FRMPD4: variants seen among roughly 807,000 people sequenced by gnomAD.
FRMPD4 encodes FERM and PDZ domain-containing protein 4.
FRMPD4 carries 22 observed loss-of-function variants against 94.1 expected under a neutral mutation model. That is an observed-to-expected ratio of 0.23 (90% CI 0.17 to 0.33). FRMPD4 has a LOEUF of 0.33. FRMPD4 is among the 10% of genes least tolerant of loss of function. The probability of loss-of-function intolerance (pLI) is 1.00; values close to 1 mark genes in which losing one functional copy is unlikely to be tolerated. For synonymous variants in FRMPD4, 631 were observed against 548.6 expected, an observed-to-expected ratio of 1.15 and a Z score of -2.10; for missense variants, 1,111 against 1,339.9, an observed-to-expected ratio of 0.83 and a Z score of 2.67.
At chrX:12,195,731 AC>A (rs1208445056) in intron 1 of FRMPD4, among the ~76,000 whole-genome samples, 1 of 111,301 alleles carries the variant, frequency 9.0e-6, no homozygotes, top group Non-Finnish European at 1.9e-5. Context: ...CCAAGGACCA[AC>A]CCTGCAAGCC....
chrX:11,857,108 A>T (rs752642332), intron 1 of FRMPD4, among the ~76,000 whole-genome samples: 23 of 112,184 alleles, frequency 2.1e-4, no homozygotes, highest in Non-Finnish European at 3.6e-4. Context: ...GGAAGAATCA[A>T]TATTTTTTAA....
rs1244749577 is a variant in FRMPD4, at chrX:12,218,155, G to A, written c.41+79143G>A. 5.4e-5 allele frequency among the ~76,000 whole-genome samples: 6 copies of A among 111,889 alleles called. No homozygotes were observed. The Admixed American group carries it at 5.7e-4, about 11-fold the overall frequency. On this transcript the variant is annotated intron_variant, in intron 1 of 16. Coordinates refer to ENST00000675598, the MANE Select transcript of FRMPD4 (RefSeq NM_001368397.1). ...AAAAGAATTAATGAAAAAAATAAGA[G>A]ATCAAGACAAGAATTTATGAATCTA...
chrX:12,496,679 T>A (rs1057190669), intron 1 of FRMPD4, among the ~76,000 whole-genome samples: 1 of 112,029 alleles, frequency 8.9e-6, no homozygotes, highest in Admixed American at 9.5e-5. Flanking sequence ...TTTAATTTGC[T>A]AAATCATACT....
intron 3 of FRMPD4, among the ~76,000 whole-genome samples, chrX:12,131,306 A>G (rs1989861): frequency 0.11 from 12,263 of 111,594 alleles, 616 homozygotes; most frequent in African/African-American, 0.18. Flanking sequence ...TTCCTGTAGA[A>G]CCTAGTCTTC....
At chrX:11,839,099 C>T (rs543466437) in intron 1 of FRMPD4, among the ~76,000 whole-genome samples, 95 of 111,214 alleles carry the variant, frequency 8.5e-4, no homozygotes, top group Non-Finnish European at 1.3e-3. Context: ...ACATCCCCAT[C>T]GGTAGTATAT....
chrX:12,543,779 C>T (rs1446561818), intron 2 of FRMPD4, among the ~76,000 whole-genome samples: 4 of 109,630 alleles, frequency 3.6e-5, no homozygotes, highest in African/African-American at 1.3e-4. Context: ...TATAAAAACA[C>T]ATGCACACGT....
intron 4 of FRMPD4, among the ~76,000 whole-genome samples, chrX:12,647,321 A>G (rs1446144045): frequency 8.9e-6 from 1 of 112,339 alleles, no homozygotes; most frequent in Admixed American, 9.4e-5. Context: ...GTAAGTTATC[A>G]AACCAATTGC....
intron 4 of FRMPD4, among the ~76,000 whole-genome samples, chrX:12,630,256 C>T (rs746548298): frequency 4.4e-5 from 5 of 112,734 alleles, no homozygotes; most frequent in East Asian, 2.8e-4. Context: ...AAATATTTTA[C>T]GCATTGCAGG....
intron 3 of FRMPD4, among the ~76,000 whole-genome samples, chrX:11,990,129 A>G (rs142512586): frequency 3.0e-3 from 342 of 112,646 alleles, no homozygotes; most frequent in African/African-American, 0.011. Flanking sequence ...TTCAGCTGTA[A>G]AAAAGAATGA....
chrX:11,941,903 TGTCAGTTGTCACTC>T (rs1213387377), intron 3 of FRMPD4, among the ~76,000 whole-genome samples: 3 of 111,973 alleles, frequency 2.7e-5, no homozygotes, highest in Admixed American at 9.5e-5. Context: ...ATAGGAGTCT[TGTCAGTTGTCACTC>T]GTCAGTTGTG....
chrX:12,265,385 T>A lies in FRMPD4; in HGVS notation c.41+126373T>A, dbSNP rs180872782. 1.1e-4 allele frequency among the ~76,000 whole-genome samples: 12 copies of A among 111,259 alleles called. No homozygotes were observed. The East Asian group carries it at 3.4e-3, about 31-fold the overall frequency. On this transcript the variant is annotated intron_variant, in intron 1 of 16. Coordinates refer to ENST00000675598, the MANE Select transcript of FRMPD4 (RefSeq NM_001368397.1). ...AGAAGCCCAGTAACTGTAATAAGAG[T>A]CTTCTGTGTTATATGGGTTCTGATT...
At chrX:12,030,998 T>C (rs1304720501) in intron 3 of FRMPD4, among the ~76,000 whole-genome samples, 1 of 112,284 alleles carries the variant, frequency 8.9e-6, no homozygotes, top group Non-Finnish European at 1.9e-5. Context: ...TGAACACATG[T>C]AACAAATGCT....
intron 10 of FRMPD4, among the ~76,000 whole-genome samples, chrX:12,704,047 G>A (rs189369425): frequency 8.9e-6 from 1 of 112,553 alleles, no homozygotes; most frequent in African/African-American, 3.2e-5. Context: ...ACTCGGATAC[G>A]TGAGTGACTT....
chrX:12,216,140 T>C (rs1468782206), intron 1 of FRMPD4, among the ~76,000 whole-genome samples: 1 of 112,103 alleles, frequency 8.9e-6, no homozygotes, highest in Non-Finnish European at 1.9e-5. Context: ...CCATTTATCA[T>C]GCTCAGGGAA....
intron 4 of FRMPD4, among the ~76,000 whole-genome samples, chrX:12,654,527 C>T (rs886929907): frequency 8.9e-6 from 1 of 111,837 alleles, no homozygotes; most frequent in African/African-American, 3.3e-5. Flanking sequence ...TATAAATGTA[C>T]TGATATATGT....
chrX:12,142,834 C>A (rs2055710033), intron 1 of FRMPD4, among the ~76,000 whole-genome samples: 1 of 111,686 alleles, frequency 9.0e-6, no homozygotes, highest in Admixed American at 9.5e-5. Flanking sequence ...CACCTTCTTG[C>A]TATCAGAATT....
chrX:12,076,327 C>CGT (rs34558552), intron 3 of FRMPD4, among the ~76,000 whole-genome samples: 4,830 of 97,998 alleles, frequency 0.049, 124 homozygotes, highest in East Asian at 0.091. Flanking sequence ...CCTAGCAAAA[C>CGT]GTGTGTGTGT....
At chrX:12,609,587 A>G (rs922051152) in intron 2 of FRMPD4, 134 bp from the exon 3 acceptor site, 45 of 527,377 alleles carry the variant, frequency 8.5e-5, no homozygotes, top group Middle Eastern at 3.7e-4. Context: ...AAGAAGCATG[A>G]CTATGGGTCT....
At chrX:12,388,954 G>C (rs927696119) in intron 1 of FRMPD4, among the ~76,000 whole-genome samples, 5 of 106,134 alleles carry the variant, frequency 4.7e-5, no homozygotes, top group Non-Finnish European at 9.6e-5. Context: ...AAATAAGCCA[G>C]GTACAGCAAG....
Sources: allele counts gnomAD v4.1 joint callset (sites outside exome capture counted in the v4.1 genomes callset), GRCh38; gene constraint gnomAD v4.1.1; transcripts MANE v1.5; gene names NCBI Gene and HGNC (gene_info 2026-07-23, HGNC 2026-07-21).